The following IL15 variants were observed in gnomAD, a reference collection of about 807,000 sequenced individuals.
IL15 encodes interleukin 15.
In IL15, 11 loss-of-function variants were observed where a neutral mutation model predicts 19.6. The ratio of observed to expected loss-of-function variants is 0.56; its 90% CI spans 0.35 to 0.93. The LOEUF (loss-of-function observed/expected upper bound fraction) is 0.93, where lower values mean the gene tolerates loss of function less well. IL15 is among the 40% of genes least tolerant of loss of function. The probability of loss-of-function intolerance (pLI) is 0.01; values close to 1 mark genes in which losing one functional copy is unlikely to be tolerated. For synonymous variants in IL15, 58 were observed against 59.6 expected, an observed-to-expected ratio of 0.97 and a Z score of 0.12; for missense variants, 197 against 186.5, an observed-to-expected ratio of 1.06 and a Z score of -0.33.
At chr4:141,700,353 A>C (rs1236936596) in intron 2 of IL15, among the ~76,000 whole-genome samples, 2 of 152,040 alleles carry the variant, frequency 1.3e-5, no homozygotes, top group Non-Finnish European at 2.9e-5. Flanking sequence ...TGTCTGAAAA[A>C]TACTTTCCCT....
intron 2 of IL15, among the ~76,000 whole-genome samples, chr4:141,664,103 A>G (rs1390435252): frequency 6.6e-6 from 1 of 152,128 alleles, no homozygotes; most frequent in African/African-American, 2.4e-5. Context: ...ACAATTCTCA[A>G]CCCTGCTACT....
intron 2 of IL15, among the ~76,000 whole-genome samples, chr4:141,702,968 T>C (rs1233685621): frequency 6.6e-6 from 1 of 152,148 alleles, no homozygotes; most frequent in East Asian, 1.9e-4. Context: ...TGCAGGCCAC[T>C]AGGGTAATGA....
intron 1 of IL15, among the ~76,000 whole-genome samples, chr4:141,643,835 C>T (rs1727132201): frequency 6.6e-6 from 1 of 151,888 alleles, no homozygotes; most frequent in Admixed American, 6.6e-5. Context: ...CTCCCCTGAA[C>T]TCCAGACTCA....
intron 2 of IL15, among the ~76,000 whole-genome samples, chr4:141,686,747 T>G (rs182954524): frequency 6.6e-6 from 1 of 152,282 alleles, no homozygotes; most frequent in Admixed American, 6.5e-5. Flanking sequence ...AATTAGAACA[T>G]TTTAAAGGTA....
intron 2 of IL15, among the ~76,000 whole-genome samples, chr4:141,701,429 C>T (rs1729307612): frequency 6.6e-6 from 1 of 151,890 alleles, no homozygotes; most frequent in Non-Finnish European, 1.5e-5. Context: ...GTTGGTTTTT[C>T]CAAATGTTGT....
chr4:141,726,380 C>A (rs1730265258), intron 5 of IL15, among the ~76,000 whole-genome samples: 1 of 152,036 alleles, frequency 6.6e-6, no homozygotes, highest in South Asian at 2.1e-4. Context: ...TTATTACATG[C>A]AGCTATAAGC....
At chr4:141,722,992 A>C (rs1280353982) in intron 5 of IL15, among the ~76,000 whole-genome samples, 1 of 152,148 alleles carries the variant, frequency 6.6e-6, no homozygotes, top group African/African-American at 2.4e-5. Context: ...AGCATCACTG[A>C]TCTTGACGAC....
chr4:141,636,982 C>T (rs1490776733), intron 1 of IL15: 2 of 152,406 alleles, frequency 1.3e-5, no homozygotes, highest in Non-Finnish European at 2.9e-5. Context: ...CTCCCGCTTC[C>T]GGAGGAGCGC....
intron 2 of IL15, among the ~76,000 whole-genome samples, chr4:141,702,067 G>C (rs1205004908): frequency 6.6e-6 from 1 of 152,196 alleles, no homozygotes; most frequent in Non-Finnish European, 1.5e-5. Flanking sequence ...GTTGAACAAG[G>C]ATCTCTTCTC....
At chr4:141,728,705 T>C (rs1730349966) in intron 6 of IL15, among the ~76,000 whole-genome samples, 1 of 152,102 alleles carries the variant, frequency 6.6e-6, no homozygotes, top group Non-Finnish European at 1.5e-5. Flanking sequence ...TTTCTAAGCA[T>C]TGGAAAGAAA....
chr4:141,638,814 C>A (rs1370287124), intron 1 of IL15, among the ~76,000 whole-genome samples: 1 of 152,160 alleles, frequency 6.6e-6, no homozygotes, highest in Non-Finnish European at 1.5e-5. Context: ...GGATTTTTCT[C>A]AGGAAAATAT....
intron 5 of IL15, 148 bp downstream of exon 5, chr4:141,722,156 T>G: frequency 8.9e-6 from 10 of 1,129,868 alleles, no homozygotes; most frequent in Non-Finnish European, 1.2e-5. Context: ...CAAAAAGAAG[T>G]CTTTTCCTTA....
intron 1 of IL15, among the ~76,000 whole-genome samples, chr4:141,638,657 A>T (rs1726941318): frequency 6.6e-6 from 1 of 152,136 alleles, no homozygotes; most frequent in Admixed American, 6.5e-5. Flanking sequence ...TCCTTGGGGG[A>T]TGGAGAAAAC....
chr4:141,670,998 C>G (rs887232047), intron 2 of IL15, among the ~76,000 whole-genome samples: 2 of 152,114 alleles, frequency 1.3e-5, no homozygotes, highest in African/African-American at 2.4e-5. Flanking sequence ...TCACAGTTGT[C>G]TTAAATATTT....
rs1209750556 is a variant in IL15 at position 141,684,685 on chromosome 4, C to T, written c.-100+28378C>T. Among the ~76,000 whole-genome samples, 3 of 152,116 alleles carry T rather than the reference C, an allele frequency of 2.0e-5. No homozygotes were observed. The East Asian group carries it at 5.8e-4, about 29-fold the overall frequency. On this transcript the variant is annotated intron_variant, in intron 2 of 7. Coordinates refer to ENST00000320650, the MANE Select transcript of IL15 (RefSeq NM_000585.5). Reference sequence around the variant, plus strand: ...TCCTTCTTTCTATTCAAACTTTATCCACTCTTCAAAACTAACCTCAATTAC... The same window carrying T: ...TCCTTCTTTCTATTCAAACTTTATCTACTCTTCAAAACTAACCTCAATTAC...
chr4:141,706,635 T>C (rs987599305), intron 2 of IL15, among the ~76,000 whole-genome samples: 1 of 152,154 alleles, frequency 6.6e-6, no homozygotes, highest in Non-Finnish European at 1.5e-5. Context: ...CAGTGTTTGT[T>C]TGTCTGGGAA....
At chr4:141,684,929 T>G (rs1728661114) in intron 2 of IL15, among the ~76,000 whole-genome samples, 1 of 152,122 alleles carries the variant, frequency 6.6e-6, no homozygotes, top group South Asian at 2.1e-4. Context: ...TCTATAAAAC[T>G]GAGCTTACAG....
chr4:141,717,383 A>C (rs1054158422), intron 2 of IL15: 3 of 152,172 alleles, frequency 2.0e-5, no homozygotes, highest in Non-Finnish European at 4.4e-5. Flanking sequence ...TGAATGGATT[A>C]ATGCAGTTAT....
intron 2 of IL15, among the ~76,000 whole-genome samples, chr4:141,701,479 G>C (rs1443757089): frequency 6.6e-6 from 1 of 152,124 alleles, no homozygotes; most frequent in East Asian, 1.9e-4. Context: ...CAAGTTCACT[G>C]TCTCCTATGG....
Sources: gnomAD v4.1 joint callset for allele counts (sites outside exome capture counted in the v4.1 genomes callset) on GRCh38, gnomAD v4.1.1 for gene constraint, MANE v1.5 for transcripts, NCBI Gene and HGNC (gene_info 2026-07-23, HGNC 2026-07-21) for gene names.